The following OR5B2 variants were observed in gnomAD, a reference collection of about 807,000 sequenced individuals.
The protein encoded by OR5B2 is olfactory receptor family 5 subfamily B member 2.
For synonymous variants in OR5B2, 163 were observed against 140.8 expected (o/e 1.16, Z -1.11); for missense variants, 411 against 367.0 (o/e 1.12, Z -0.98).
rs1003473982 is a variant in OR5B2, at chr11:58,428,099, G to T, written c.-164C>A. 3.3e-5 allele frequency: 5 copies of T among 152,252 alleles called. No individual in the cohort carries two copies. Among genetic ancestry groups the T allele is most frequent in the Non-Finnish European group, 1.5e-5 (1 of 68,098 alleles). The allele number at this position is 152,252 out of a possible 1,614,324, so 9.4% of individuals were successfully genotyped here. A position where few individuals can be genotyped will look rare whatever the true frequency, so the allele number is the denominator to read the frequency against. On this transcript the variant is annotated 5_prime_UTR_variant, in exon 1 of 3. Coordinates refer to ENST00000641342, the MANE Select transcript of OR5B2 (RefSeq NM_001005566.3). The stretch of plus-strand genomic sequence containing the variant: ...CTTCAGCTGTGGACAATGGAATTGG[G>T]AATCCACCTTGCAGGACAAGACCAG...
Position 58,421,930 on chromosome 11 carries a change from T to G in OR5B2, c.*402A>C, listed in dbSNP as rs1855277304. 1 of 158,268 alleles carries G rather than the reference T, an allele frequency of 6.3e-6. No individual in the cohort carries two copies. Among genetic ancestry groups the G allele is most frequent in the African/African-American group, 2.4e-5 (1 of 41,546 alleles). 9.8% of individuals were successfully genotyped at this position (158,268 alleles called of 1,614,324 possible). On this transcript the variant is annotated 3_prime_UTR_variant, in exon 3 of 3. Coordinates refer to ENST00000641342, the MANE Select transcript of OR5B2 (RefSeq NM_001005566.3). ...ATATAAAAACTAGCCACACTCCATT[T>G]ACTTCTGAGTAAATTTCTCCTTCTA... is the stretch of plus-strand genomic sequence containing the variant.
At position 58,422,057 on chromosome 11, in the gene OR5B2, T is replaced by A; in HGVS notation, c.*275A>T. 3.9e-6 allele frequency: 1 copy of A among 257,608 alleles called. No individual in the cohort carries two copies. The allele number at this position is 257,608 out of a possible 1,614,324, so 16.0% of individuals were successfully genotyped here. On this transcript the variant is annotated 3_prime_UTR_variant, in exon 3 of 3. Coordinates refer to ENST00000641342, the MANE Select transcript of OR5B2 (RefSeq NM_001005566.3). ...TTGCACTGGAATGTGGTAGAAAAAA[T>A]GCAAGGGGAACAAGTGAGTAAACCG... is the stretch of plus-strand genomic sequence containing the variant.
In OR5B2 at chr11:58,422,552, G is replaced by T. The variant is rs750873741; in HGVS notation, c.710C>A (p.Ser237Tyr). 6.2e-7 allele frequency: 1 copy of T among 1,613,764 alleles called. No homozygotes were observed. Among genetic ancestry groups the T allele is most frequent in the East Asian group, 2.2e-5 (1 of 44,860 alleles). ...HSAKGHQKAL[S>Y]TCASHFTAVS... ...TGCAGTGAAGTGAGAGGCACAGGTG[G>T]ACAATGCTTTTTGGTGTCCCTTAGC... Residue 237 changes from serine (S) to tyrosine (Y), a missense_variant, in exon 3 of 3, where the codon TCC becomes TAC. Transcript: ENST00000641342.
rs993812997 is a variant in OR5B2 at position 58,421,553 on chromosome 11, T to C, written c.*779A>G. On this transcript the variant is annotated 3_prime_UTR_variant, in exon 3 of 3. Coordinates refer to ENST00000641342, the MANE Select transcript of OR5B2 (RefSeq NM_001005566.3). ...GAAGGAAGAATGAGTAAGTAGAGCATAGAAGAGCTTTAGAGCAGTGAAACT... is the reference window on the plus strand; with the variant it reads ...GAAGGAAGAATGAGTAAGTAGAGCACAGAAGAGCTTTAGAGCAGTGAAACT... 3 of 152,088 alleles carry C rather than the reference T, an allele frequency of 2.0e-5. No homozygotes were observed. Among genetic ancestry groups the C allele is most frequent in the South Asian group, 2.1e-4 (1 of 4,820 alleles). 9.4% of individuals were successfully genotyped at this position (152,088 alleles called of 1,614,324 possible).
rs2119937917 is a variant in OR5B2, at chr11:58,423,238, T to C, written c.24A>G (p.Thr8=). Residue 8 remains threonine (T), a synonymous_variant, in exon 3 of 3, where the codon ACA becomes ACG. Coordinates refer to ENST00000641342, the MANE Select transcript of OR5B2 (RefSeq NM_001005566.3). ...TGGTTAGTCCTAGAAGAATGAACTT[T>C]GTCACTTCCGTACAATTCTCCATCA... is the stretch of plus-strand genomic sequence containing the variant. MENCTEV[T]KFILLGLTSV... 8 of 1,603,640 alleles carry C rather than the reference T, an allele frequency of 5.0e-6. No individual in the cohort carries two copies. Among genetic ancestry groups the C allele is most frequent in the Admixed American group, 1.7e-5 (1 of 59,164 alleles).
At chr11:58,423,318 G>C (rs1411540164) in intron 2 of OR5B2, 29 bp from the exon 3 acceptor site, 2 of 1,052,966 alleles carry the variant, frequency 1.9e-6, no homozygotes, top group South Asian at 1.7e-5. Flanking sequence ...AAGCAATAGA[G>C]TGATAAACAA....
At chr11:58,427,727 T>A (rs888115258) in intron 1 of OR5B2, among the ~76,000 whole-genome samples, 1 of 152,126 alleles carries the variant, frequency 6.6e-6, no homozygotes, top group African/African-American at 2.4e-5. Flanking sequence ...TCCCTCCATA[T>A]GTGAGAGGGG....
intron 2 of OR5B2, 47 bp downstream of exon 2, chr11:58,426,572 ATTC>A (rs1412423602): frequency 6.6e-6 from 1 of 152,172 alleles, no homozygotes; most frequent in East Asian, 1.9e-4. Flanking sequence ...TATAACACAT[ATTC>A]TATTACTACA....
chr11:58,424,770 G>A (rs1025921875), intron 2 of OR5B2, among the ~76,000 whole-genome samples: 2 of 151,976 alleles, frequency 1.3e-5, no homozygotes, highest in Non-Finnish European at 2.9e-5. Flanking sequence ...CATAAGTTTA[G>A]CCCATGAAAG....
rs570958816 is a variant in OR5B2 at position 58,421,675 on chromosome 11, T to G, written c.*657A>C. 2 of 152,090 alleles carry G rather than the reference T, an allele frequency of 1.3e-5. No homozygotes were observed. The highest frequency in any genetic ancestry group is 4.8e-5 in the African/African-American group (2 of 41,436). The allele number at this position is 152,090 out of a possible 1,614,324, so 9.4% of individuals were successfully genotyped here. On this transcript the variant is annotated 3_prime_UTR_variant, in exon 3 of 3. Coordinates refer to ENST00000641342, the MANE Select transcript of OR5B2 (RefSeq NM_001005566.3). The stretch of plus-strand genomic sequence containing the variant: ...CAAGAGTGAATCCTAATGTAAATTA[T>G]GGTCTTGAGATGATAATGATGTGTC...
chr11:58,422,832 G>C lies in OR5B2; in HGVS notation c.430C>G (p.Leu144Val). 1 of 1,613,712 alleles carries C rather than the reference G, an allele frequency of 6.2e-7. No individual in the cohort carries two copies. The highest frequency in any genetic ancestry group is 8.5e-7 in the Non-Finnish European group (1 of 1,179,828). The stretch of plus-strand genomic sequence containing the variant: ...AGGAAGCCACAGACATATGAGCCTA[G>C]GGCCAGACAGGCACCTACACTGGCC... ...MTASVGACLA[L>V]GSYVCGFLNA... is the part of the protein sequence containing the mutation. The change falls in exon 3 of 3, where the codon CTA (leucine) becomes GTA (valine). Residue 144 changes from leucine to valine, a missense_variant. Leu to Val is a conservative substitution (Grantham distance 32). Coordinates refer to ENST00000641342, the MANE Select transcript of OR5B2 (RefSeq NM_001005566.3).
chr11:58,421,376 C>G lies in OR5B2; in HGVS notation c.*956G>C, dbSNP rs774039122. ...TAAAATGAAATGAGCTATCAAGCCACGAAAAGTTATGGAGAAAACAGATGC... is the reference window on the plus strand; with the variant it reads ...TAAAATGAAATGAGCTATCAAGCCAGGAAAAGTTATGGAGAAAACAGATGC... On this transcript the variant is annotated 3_prime_UTR_variant, in exon 3 of 3. Coordinates refer to ENST00000641342, the MANE Select transcript of OR5B2 (RefSeq NM_001005566.3). 1 of 151,882 alleles carries G rather than the reference C, an allele frequency of 6.6e-6. No homozygotes were observed. The highest frequency in any genetic ancestry group is 1.9e-4 in the East Asian group (1 of 5,180). The allele number at this position is 151,882 out of a possible 1,614,324, so 9.4% of individuals were successfully genotyped here.
At chr11:58,424,892 A>G (rs1414223033) in intron 2 of OR5B2, among the ~76,000 whole-genome samples, 3 of 152,098 alleles carry the variant, frequency 2.0e-5, no homozygotes, top group African/African-American at 7.2e-5. Context: ...TTTGTGTGTG[A>G]TAAGTATTAT....
At chr11:58,425,446 C>T (rs1855325824) in intron 2 of OR5B2, among the ~76,000 whole-genome samples, 1 of 151,942 alleles carries the variant, frequency 6.6e-6, no homozygotes, top group Non-Finnish European at 1.5e-5. Context: ...CACAAATTCC[C>T]TCTTTTACTA....
At position 58,422,180 on chromosome 11, in the gene OR5B2, T is replaced by A; in HGVS notation, c.*152A>T. 1 of 500,806 alleles carries A rather than the reference T, an allele frequency of 2.0e-6. No individual in the cohort carries two copies. The highest frequency in any genetic ancestry group is 3.0e-5 in the East Asian group (1 of 33,848). The allele number at this position is 500,806 out of a possible 1,614,324, so 31.0% of individuals were successfully genotyped here. A position where few individuals can be genotyped will look rare whatever the true frequency, so the allele number is the denominator to read the frequency against. ...TATTACATTTCTGATAATATTTTAT[T>A]TTTATTAAAAAATTGACTTCTAAAG... On this transcript the variant is annotated 3_prime_UTR_variant, in exon 3 of 3. Transcript: ENST00000641342.
intron 2 of OR5B2, among the ~76,000 whole-genome samples, chr11:58,423,924 G>A (rs1565157377): frequency 6.6e-6 from 1 of 152,144 alleles, no homozygotes; most frequent in Non-Finnish European, 1.5e-5. Flanking sequence ...AGGTAACTGA[G>A]AGGAAAATGC....
Position 58,423,183 on chromosome 11 carries a change from T to A in OR5B2, c.79A>T (p.Ile27Phe), listed in dbSNP as rs749342400. ...AGGAGGTAGATGAAGGTGAACAAGA[T>A]AAAGAGGGGGATCTGTAGTTCTGGG... is the stretch of plus-strand genomic sequence containing the variant. ...SVPELQIPLFILFTFIYLLTL... is the reference protein window; with the variant it reads ...SVPELQIPLFFLFTFIYLLTL... Residue 27 changes from isoleucine (I) to phenylalanine (F), a missense_variant, in exon 3 of 3, where the codon ATC (isoleucine) becomes TTC (phenylalanine). Transcript: ENST00000641342. 3.1e-6 allele frequency: 5 copies of A among 1,613,470 alleles called. No individual in the cohort carries two copies. Among genetic ancestry groups the A allele is most frequent in the Non-Finnish European group, 4.2e-6 (5 of 1,179,664 alleles).
intron 2 of OR5B2, among the ~76,000 whole-genome samples, chr11:58,425,793 G>C (rs1221044636): frequency 6.6e-6 from 1 of 152,018 alleles, no homozygotes; most frequent in South Asian, 2.1e-4. Context: ...GAAAGTAAAG[G>C]TGCATTGTAG....
At chr11:58,425,836 T>G (rs1214658067) in intron 2 of OR5B2, among the ~76,000 whole-genome samples, 1 of 150,876 alleles carries the variant, frequency 6.6e-6, no homozygotes, top group Non-Finnish European at 1.5e-5. Flanking sequence ...AGTTTTGATT[T>G]TGCTGTGTGT....
Sources: allele counts gnomAD v4.1 joint callset (sites outside exome capture counted in the v4.1 genomes callset), GRCh38; gene constraint gnomAD v4.1.1; transcripts MANE v1.5; gene names NCBI Gene and HGNC (gene_info 2026-07-23, HGNC 2026-07-21).